SCN11A: variants seen among roughly 807,000 people sequenced by gnomAD.
The protein encoded by SCN11A is sodium voltage-gated channel alpha subunit 11.
In SCN11A, 122 loss-of-function variants were observed where a neutral mutation model predicts 162.2. The ratio of observed to expected loss-of-function variants is 0.75; its 90% CI spans 0.65 to 0.87. SCN11A has a LOEUF of 0.87. Ranked by LOEUF, SCN11A falls within the 40% of genes least tolerant of loss-of-function variation. The pLI is 0.00. For missense variants in SCN11A, 2,015 were observed against 2,181.6 expected (o/e 0.92, Z 1.52); for synonymous variants, 758 against 751.5 (o/e 1.01, Z -0.14).
intron 4 of SCN11A, 32 bp from the exon 5 acceptor site, chr3:38,950,401 A>T: frequency 6.2e-7 from 1 of 1,609,112 alleles, no homozygotes; most frequent in Non-Finnish European, 8.5e-7. Flanking sequence ...AGATCCTCAG[A>T]AAGGCCTCAG....
At chr3:38,927,356 G>A (rs2066160611) in intron 7 of SCN11A, among the ~76,000 whole-genome samples, 1 of 152,238 alleles carries the variant, frequency 6.6e-6, no homozygotes, top group South Asian at 2.1e-4. Context: ...GGATTGGAAG[G>A]TTTAATATTG....
chr3:38,846,670 T>C lies in SCN11A; in HGVS notation c.*24A>G, dbSNP rs755128104. ...GGCTGAAGGCAAGGCTGTGAAGCTA[T>C]GAGGTAGGCGTGGAGGTGAGGGCTC... On this transcript the variant is annotated 3_prime_UTR_variant, in exon 30 of 30. Coordinates refer to ENST00000302328, the MANE Select transcript of SCN11A (RefSeq NM_001349253.2). 9 of 1,594,096 alleles carry C rather than the reference T, an allele frequency of 5.6e-6. No individual in the cohort carries two copies. The highest frequency in any genetic ancestry group is 3.3e-5 in the Admixed American group (2 of 59,872).
chr3:39,033,222 C>T (rs2031811055), intron 1 of SCN11A, among the ~76,000 whole-genome samples: 1 of 151,184 alleles, frequency 6.6e-6, no homozygotes, highest in South Asian at 2.1e-4. Flanking sequence ...GAAGAAAGAT[C>T]AAACTTCAGA....
chr3:39,005,391 A>T (rs1276427348), intron 2 of SCN11A, among the ~76,000 whole-genome samples: 1 of 152,224 alleles, frequency 6.6e-6, no homozygotes. Flanking sequence ...CTCCCCAGAC[A>T]TTGGCAAGTG....
intron 6 of SCN11A, among the ~76,000 whole-genome samples, chr3:38,946,340 G>A (rs780581045): frequency 2.6e-5 from 4 of 152,124 alleles, no homozygotes; most frequent in Non-Finnish European, 5.9e-5. Flanking sequence ...AAGAAAAGCT[G>A]GAAATCTGGA....
At chr3:38,847,885 C>T in intron 29 of SCN11A, 143 bp from the exon 30 acceptor site, 1 of 584,308 alleles carries the variant, frequency 1.7e-6, no homozygotes, top group Non-Finnish European at 3.0e-6. Context: ...ATTTCTTTTA[C>T]CACTATCAGG....
chr3:38,922,913 T>C (rs1019607419), intron 9 of SCN11A, among the ~76,000 whole-genome samples: 4 of 150,150 alleles, frequency 2.7e-5, no homozygotes, highest in Admixed American at 1.3e-4. Context: ...AAGCCACTGA[T>C]AGAAGAGAAA....
chr3:38,964,536 AAT>A (rs751107696), intron 2 of SCN11A, among the ~76,000 whole-genome samples: 15 of 152,228 alleles, frequency 9.9e-5, no homozygotes, highest in Non-Finnish European at 2.1e-4. Context: ...GCTTTCACAG[AAT>A]GGGACAGGGA....
chr3:38,907,934 C>G lies in SCN11A; in HGVS notation c.1473+15G>C. 6.3e-7 allele frequency: 1 copy of G among 1,590,540 alleles called. No individual in the cohort carries two copies. Among genetic ancestry groups the G allele is most frequent in the East Asian group, 2.2e-5 (1 of 44,712 alleles). ...ACAGCAATATGGTATCATTAATTCC[C>G]TGGAAAAGACTTACCTTTTTTTGGC... On this transcript the variant is annotated intron_variant, in intron 14 of 29. Coordinates refer to ENST00000302328, the MANE Select transcript of SCN11A (RefSeq NM_001349253.2).
intron 22 of SCN11A, among the ~76,000 whole-genome samples, chr3:38,882,383 G>A (rs911856633): frequency 6.6e-6 from 1 of 152,096 alleles, no homozygotes; most frequent in Admixed American, 6.6e-5. Context: ...AGGCTCCTGG[G>A]TTTAGTAATA....
intron 3 of SCN11A, among the ~76,000 whole-genome samples, chr3:38,958,069 T>A (rs1279078336): frequency 6.6e-6 from 1 of 152,242 alleles, no homozygotes; most frequent in African/African-American, 2.4e-5. Context: ...CTCCTGGCTC[T>A]TATTTATGAA....
chr3:38,916,429 G>A (rs547021387), intron 11 of SCN11A, among the ~76,000 whole-genome samples: 2 of 152,280 alleles, frequency 1.3e-5, no homozygotes, highest in South Asian at 4.2e-4. Context: ...CCACAGTCTT[G>A]TAATTGGCTT....
At chr3:39,007,201 A>G (rs939824992) in intron 2 of SCN11A, among the ~76,000 whole-genome samples, 3 of 152,192 alleles carry the variant, frequency 2.0e-5, no homozygotes, top group Non-Finnish European at 2.9e-5. Context: ...TATAATAAGA[A>G]ATATACATAA....
intron 2 of SCN11A, among the ~76,000 whole-genome samples, chr3:39,029,926 C>G (rs1478459843): frequency 1.3e-5 from 2 of 152,190 alleles, no homozygotes; most frequent in African/African-American, 4.8e-5. Flanking sequence ...GTCTTCAGTT[C>G]CAGCTTCTGT....
At chr3:39,002,032 G>A (rs989349677) in intron 2 of SCN11A, among the ~76,000 whole-genome samples, 25 of 149,968 alleles carry the variant, frequency 1.7e-4, no homozygotes, top group Non-Finnish European at 2.7e-4. Flanking sequence ...GTGAGACTCC[G>A]TCTCAAAAAA....
chr3:38,934,834 A>G (rs1305140429), intron 7 of SCN11A, among the ~76,000 whole-genome samples: 2 of 152,064 alleles, frequency 1.3e-5, no homozygotes, highest in East Asian at 3.9e-4. Flanking sequence ...CAGAAAGTTA[A>G]CAAGGATACC....
chr3:38,870,013 T>C (rs2065099303), intron 26 of SCN11A, among the ~76,000 whole-genome samples: 1 of 152,166 alleles, frequency 6.6e-6, no homozygotes, highest in Non-Finnish European at 1.5e-5. Context: ...CACACACATG[T>C]GCTATAATAG....
intron 23 of SCN11A, among the ~76,000 whole-genome samples, chr3:38,877,041 T>A (rs2065220748): frequency 3.4e-5 from 1 of 29,568 alleles, no homozygotes; most frequent in African/African-American, 1.0e-4. Context: ...GGTATATATA[T>A]GGTGTATATA....
rs1559549913 is a variant in SCN11A, at chr3:38,946,916, C to A, written c.268-9G>T. 6.1e-6 allele frequency: 9 copies of A among 1,486,724 alleles called. No homozygotes were observed. Among genetic ancestry groups the A allele is most frequent in the Admixed American group, 3.8e-5 (2 of 52,022 alleles). The allele number at this position is 1,486,724 out of a possible 1,614,324, so 92.1% of individuals were successfully genotyped here. A position where few individuals can be genotyped will look rare whatever the true frequency, so the allele number is the denominator to read the frequency against. On this transcript the variant is annotated splice_polypyrimidine_tract_variant and intron_variant, in intron 5 of 29. Coordinates refer to ENST00000302328, the MANE Select transcript of SCN11A (RefSeq NM_001349253.2). Reference sequence around the variant, plus strand: ...TTTAACACCATAAATGTCTGCAAAACAAAAAAAACAATACAAGAAAACACA... The same window carrying A: ...TTTAACACCATAAATGTCTGCAAAAAAAAAAAAACAATACAAGAAAACACA...
Sources: allele counts gnomAD v4.1 joint callset (sites outside exome capture counted in the v4.1 genomes callset), GRCh38; gene constraint gnomAD v4.1.1; transcripts MANE v1.5; gene names NCBI Gene and HGNC (gene_info 2026-07-23, HGNC 2026-07-21).